MACROD2: variants seen among roughly 807,000 people sequenced by gnomAD.
MACROD2 encodes the protein ADP-ribose glycohydrolase MACROD2.
MACROD2 carries 36 observed loss-of-function variants against 70.4 expected under a neutral mutation model. The observed-to-expected ratio is 0.51, with a 90% CI of 0.39 to 0.68. The LOEUF is 0.68. Ranked by LOEUF, MACROD2 falls within the 30% of genes least tolerant of loss-of-function variation. The probability of loss-of-function intolerance (pLI) is 0.00; values close to 1 mark genes in which losing one functional copy is unlikely to be tolerated. For missense variants in MACROD2, 496 were observed against 538.4 expected (o/e 0.92, Z 0.78); for synonymous variants, 172 against 178.8 (o/e 0.96, Z 0.30).
intron 12 of MACROD2, among the ~76,000 whole-genome samples, chr20:15,947,458 C>T (rs1314817079): frequency 1.3e-5 from 2 of 152,132 alleles, no homozygotes; most frequent in African/African-American, 2.4e-5. Flanking sequence ...GTTAACAAGG[C>T]ATATTCTGCA....
chr20:14,719,186 G>A (rs748422911), intron 5 of MACROD2, among the ~76,000 whole-genome samples: 6 of 151,634 alleles, frequency 4.0e-5, no homozygotes, highest in African/African-American at 1.2e-4. Flanking sequence ...GAGCGAGATC[G>A]CGCCACTGCA....
intron 2 of MACROD2, among the ~76,000 whole-genome samples, chr20:14,060,435 GC>G (rs1303876312): frequency 6.6e-6 from 1 of 151,988 alleles, no homozygotes; most frequent in African/African-American, 2.4e-5. Flanking sequence ...TTTTTTTAAG[GC>G]TTCCATTAAG....
chr20:15,497,847 G>A (rs1297221165), intron 7 of MACROD2, among the ~76,000 whole-genome samples: 2 of 152,040 alleles, frequency 1.3e-5, no homozygotes, highest in African/African-American at 2.4e-5. Flanking sequence ...CATTTTGTTT[G>A]CCTCTTTACT....
intron 3 of MACROD2, among the ~76,000 whole-genome samples, chr20:14,220,100 T>C (rs2081658027): frequency 6.6e-6 from 1 of 152,246 alleles, no homozygotes; most frequent in South Asian, 2.1e-4. Flanking sequence ...ACCAAGTTTA[T>C]ATACCCTTTG....
chr20:16,032,325 C>T (rs939144455), intron 15 of MACROD2, among the ~76,000 whole-genome samples: 10 of 151,902 alleles, frequency 6.6e-5, no homozygotes, highest in Admixed American at 3.3e-4. Flanking sequence ...TGACAGGATC[C>T]GTACTCCAAA....
At chr20:14,672,731 A>G (rs2070809620) in intron 4 of MACROD2, among the ~76,000 whole-genome samples, 1 of 152,186 alleles carries the variant, frequency 6.6e-6, no homozygotes, top group Non-Finnish European at 1.5e-5. Flanking sequence ...TGGCATTTTG[A>G]TTTTAAAGCC....
chr20:15,461,006 A>ATTTTTTTTTTT (rs951397131), intron 7 of MACROD2, among the ~76,000 whole-genome samples: 29 of 66,950 alleles, frequency 4.3e-4, no homozygotes, highest in African/African-American at 6.8e-4. Flanking sequence ...ATATATATAT[A>ATTTTTTTTTTT]TTTTTTTTTA....
intron 8 of MACROD2, among the ~76,000 whole-genome samples, chr20:15,689,531 T>G (rs918684675): frequency 6.6e-6 from 1 of 152,060 alleles, no homozygotes. Flanking sequence ...TGAATTACAA[T>G]CTAAAGAAGA....
chr20:15,501,456 C>T (rs566001718), intron 8 of MACROD2, among the ~76,000 whole-genome samples: 42 of 152,260 alleles, frequency 2.8e-4, no homozygotes, highest in African/African-American at 7.5e-4. Context: ...TACATCTCAT[C>T]AACAAATTCT....
chr20:14,123,948 A>G (rs2054615111), intron 3 of MACROD2, among the ~76,000 whole-genome samples: 1 of 152,140 alleles, frequency 6.6e-6, no homozygotes, highest in South Asian at 2.1e-4. Flanking sequence ...TCCTGCCACT[A>G]GCATTTTAGT....
In MACROD2 at chr20:14,493,372, G is replaced by GTA. The variant is rs1355945985; in HGVS notation, c.272-103_272-102dup. On this transcript the variant is annotated intron_variant, in intron 3 of 17. Transcript: ENST00000684519. ...AAGTAAATATTTTGTGTTTATGTAT[G>GTA]TATATGAGACATATGATCATTATTA... 38 of 845,208 alleles carry GTA rather than the reference G, an allele frequency of 4.5e-5. No homozygotes were observed. The African/African-American group carries it at 6.3e-4, about 14-fold the overall frequency. 52.4% of individuals were successfully genotyped at this position (845,208 alleles called of 1,614,324 possible).
chr20:15,897,022 G>T (rs1013761320), intron 10 of MACROD2, among the ~76,000 whole-genome samples: 1 of 151,922 alleles, frequency 6.6e-6, no homozygotes, highest in African/African-American at 2.4e-5. Flanking sequence ...ACAAAAAGTT[G>T]AAAGAATATT....
intron 6 of MACROD2, among the ~76,000 whole-genome samples, chr20:15,253,978 C>A (rs1446109449): frequency 6.6e-6 from 1 of 152,062 alleles, no homozygotes; most frequent in Non-Finnish European, 1.5e-5. Context: ...TCATGCTGTC[C>A]CCCATCCTGT....
intron 3 of MACROD2, among the ~76,000 whole-genome samples, chr20:14,317,738 C>T (rs944172739): frequency 6.6e-6 from 1 of 152,066 alleles, no homozygotes; most frequent in African/African-American, 2.4e-5. Flanking sequence ...CTCAGTACAT[C>T]ATTGTTAAGG....
chr20:15,382,714 C>G (rs909052537), intron 6 of MACROD2, among the ~76,000 whole-genome samples: 9 of 152,104 alleles, frequency 5.9e-5, no homozygotes, highest in Middle Eastern at 3.2e-3. Flanking sequence ...GAAGAAAGAA[C>G]CACTTTCATG....
In MACROD2 at chr20:15,937,204, G is replaced by A. The variant is rs190689955; in HGVS notation, c.839-272G>A. Among the ~76,000 whole-genome samples, 565 of 152,272 alleles carry A rather than the reference G, an allele frequency of 3.7e-3. 2 individuals carry two copies. Among genetic ancestry groups the A allele is most frequent in the African/African-American group, 0.013 (540 of 41,564 alleles). On this transcript the variant is annotated intron_variant, in intron 11 of 17. Transcript: ENST00000684519. Reference sequence around the variant, plus strand: ...TTGAGGGATGAGGAAGAAACAAAATGCCAAAGGATACTACTAGCAACAAGT... The same window carrying A: ...TTGAGGGATGAGGAAGAAACAAAATACCAAAGGATACTACTAGCAACAAGT...
intron 3 of MACROD2, among the ~76,000 whole-genome samples, chr20:14,480,635 C>T (rs934488763): frequency 6.6e-6 from 1 of 152,138 alleles, no homozygotes; most frequent in Non-Finnish European, 1.5e-5. Context: ...CAGTGCTTTT[C>T]AATGCAGCAG....
At chr20:14,190,884 T>A (rs1160056423) in intron 3 of MACROD2, among the ~76,000 whole-genome samples, 1 of 150,878 alleles carries the variant, frequency 6.6e-6, no homozygotes, top group Non-Finnish European at 1.5e-5. Flanking sequence ...ATATTTTGTA[T>A]TTTTAGTAGA....
At chr20:15,561,078 G>A (rs988314905) in intron 8 of MACROD2, among the ~76,000 whole-genome samples, 2 of 152,110 alleles carry the variant, frequency 1.3e-5, no homozygotes, top group Admixed American at 6.6e-5. Flanking sequence ...TGTAGTCAGG[G>A]AACATCAGAA....
Sources: gnomAD v4.1 joint callset for allele counts (sites outside exome capture counted in the v4.1 genomes callset) on GRCh38, gnomAD v4.1.1 for gene constraint, MANE v1.5 for transcripts, NCBI Gene and HGNC (gene_info 2026-07-23, HGNC 2026-07-21) for gene names.